NELL2: variants seen among roughly 807,000 people sequenced by gnomAD.
The protein encoded by NELL2 is protein kinase C-binding protein NELL2.
In NELL2, 41 loss-of-function variants were observed where a neutral mutation model predicts 109.6. The ratio of observed to expected loss-of-function variants is 0.37; its 90% confidence interval spans 0.29 to 0.49. NELL2 has a LOEUF of 0.49. Among genes scored for constraint, NELL2 ranks in the 20% least tolerant of loss-of-function variants. The pLI is 0.98. For missense variants in NELL2, 900 were observed against 1,008.3 expected (o/e 0.89, Z 1.45); for synonymous variants, 355 against 344.7 (o/e 1.03, Z -0.33).
chr12:44,702,811 A>G (rs139344401), intron 12 of NELL2, among the ~76,000 whole-genome samples: 2 of 150,782 alleles, frequency 1.3e-5, no homozygotes, highest in Non-Finnish European at 2.9e-5. Context: ...ATTTTTAAGA[A>G]AAAGAAAAAA....
chr12:44,644,607 T>TATATATATATATATATACATAC, intron 13 of NELL2, among the ~76,000 whole-genome samples: 5 of 79,262 alleles, frequency 6.3e-5, no homozygotes, highest in African/African-American at 2.9e-4. Context: ...TATATATGTA[T>TATATATATATATATATACATAC]GTATATATAT....
intron 1 of NELL2, among the ~76,000 whole-genome samples, chr12:44,890,271 T>C (rs1945518811): frequency 6.6e-6 from 1 of 152,174 alleles, no homozygotes; most frequent in Non-Finnish European, 1.5e-5. Context: ...AGGTCATCCT[T>C]ATCCTTTCCC....
intron 15 of NELL2, among the ~76,000 whole-genome samples, chr12:44,567,114 A>G (rs1278461170): frequency 2.0e-5 from 3 of 152,170 alleles, no homozygotes; most frequent in South Asian, 2.1e-4. Context: ...CTGGCCTACT[A>G]TATGCATTTT....
At chr12:44,718,248 A>G (rs968055992) in intron 9 of NELL2, among the ~76,000 whole-genome samples, 20 of 152,302 alleles carry the variant, frequency 1.3e-4, no homozygotes, top group African/African-American at 4.6e-4. Flanking sequence ...GAACCCATGC[A>G]GGTATCAGGT....
At chr12:44,805,378 T>A (rs538446562) in intron 3 of NELL2, among the ~76,000 whole-genome samples, 2 of 152,022 alleles carry the variant, frequency 1.3e-5, no homozygotes, top group South Asian at 4.2e-4. Context: ...TTGTAGTATC[T>A]CTGCAGAAAT....
intron 1 of NELL2, among the ~76,000 whole-genome samples, chr12:44,899,465 T>C (rs530199676): frequency 6.6e-6 from 1 of 152,270 alleles, no homozygotes; most frequent in South Asian, 2.1e-4. Context: ...TATTCAACAT[T>C]CTTAAGGGAA....
At chr12:44,811,852 A>C (rs1184965930) in intron 3 of NELL2, among the ~76,000 whole-genome samples, 1 of 152,124 alleles carries the variant, frequency 6.6e-6, no homozygotes, top group African/African-American at 2.4e-5. Context: ...AGTCTAACTC[A>C]CAGAGTCTAA....
chr12:44,558,754 G>T (rs1943354001), intron 15 of NELL2, among the ~76,000 whole-genome samples: 1 of 152,096 alleles, frequency 6.6e-6, no homozygotes. Flanking sequence ...CGGTTGTTTG[G>T]GCAGACACTG....
At chr12:44,800,121 T>C (rs184567132) in intron 3 of NELL2, among the ~76,000 whole-genome samples, 2,193 of 152,264 alleles carry the variant, frequency 0.014, 49 homozygotes, top group African/African-American at 0.05. Flanking sequence ...AATTACTTAG[T>C]CATTTGGCAT....
chr12:44,628,840 G>C (rs995931627), intron 13 of NELL2, among the ~76,000 whole-genome samples: 7 of 152,130 alleles, frequency 4.6e-5, no homozygotes, highest in African/African-American at 1.7e-4. Flanking sequence ...TATGAATTAG[G>C]TGAATGTACC....
intron 12 of NELL2, among the ~76,000 whole-genome samples, chr12:44,684,421 G>C (rs565167589): frequency 6.6e-6 from 1 of 152,140 alleles, no homozygotes; most frequent in South Asian, 2.1e-4. Flanking sequence ...ATTTCCTTCA[G>C]TTCTGCTCTG....
intron 9 of NELL2, among the ~76,000 whole-genome samples, chr12:44,761,248 C>T (rs11182650): frequency 0.016 from 2,387 of 152,168 alleles, 48 homozygotes; most frequent in African/African-American, 0.047. Context: ...GTAATCCCAG[C>T]TTGGGATTAC....
chr12:44,658,876 C>CAAAAAAAAA (rs758903947), intron 13 of NELL2, among the ~76,000 whole-genome samples: 1 of 97,614 alleles, frequency 1.0e-5, no homozygotes, highest in Non-Finnish European at 2.0e-5. Context: ...GACTCTGTCT[C>CAAAAAAAAA]CAAAAAAAAA....
intron 9 of NELL2, among the ~76,000 whole-genome samples, chr12:44,716,735 C>T (rs938259611): frequency 6.6e-6 from 1 of 151,944 alleles, no homozygotes; most frequent in Non-Finnish European, 1.5e-5. Flanking sequence ...TTATATTATA[C>T]GACTTGATAA....
At chr12:44,614,260 T>A (rs1945736915) in intron 13 of NELL2, among the ~76,000 whole-genome samples, 2 of 152,026 alleles carry the variant, frequency 1.3e-5, no homozygotes, top group South Asian at 4.1e-4. Flanking sequence ...AGCACATGGT[T>A]ATTTTAATCA....
At chr12:44,805,778 T>C (rs912225475) in intron 3 of NELL2, among the ~76,000 whole-genome samples, 7 of 151,870 alleles carry the variant, frequency 4.6e-5, no homozygotes, top group Admixed American at 2.0e-4. Flanking sequence ...GTAGTATTAA[T>C]TGCAATACCA....
intron 1 of NELL2, among the ~76,000 whole-genome samples, chr12:44,887,244 T>C (rs931429276): frequency 6.6e-6 from 1 of 152,046 alleles, no homozygotes; most frequent in African/African-American, 2.4e-5. Context: ...CTCGAACTCC[T>C]GGGCTTAAGC....
chr12:44,874,836 T>C (rs1349287134), intron 2 of NELL2, among the ~76,000 whole-genome samples: 1 of 152,206 alleles, frequency 6.6e-6, no homozygotes, highest in Non-Finnish European at 1.5e-5. Context: ...CCATCGTACC[T>C]GAAACTTTCA....
In NELL2 at chr12:44,587,379, C is replaced by T. The variant is rs374494731; in HGVS notation, c.1663+19790G>A. 8.0e-4 allele frequency among the ~76,000 whole-genome samples: 117 copies of T among 145,374 alleles called. No individual in the cohort carries two copies. In the East Asian group the frequency reaches 0.017, roughly 21 times the overall value. On this transcript the variant is annotated intron_variant, in intron 15 of 19. Transcript: ENST00000429094. Reference sequence around the variant, plus strand: ...ATGAAATGAGACTAAAAATAACTAACGTGATTATTACTAATTAACAATAAC... The same window carrying T: ...ATGAAATGAGACTAAAAATAACTAATGTGATTATTACTAATTAACAATAAC...
Sources: allele counts gnomAD v4.1 joint callset (sites outside exome capture counted in the v4.1 genomes callset), GRCh38; gene constraint gnomAD v4.1.1; transcripts MANE v1.5; gene names NCBI Gene and HGNC (gene_info 2026-07-23, HGNC 2026-07-21).